Variants in CPNE4 observed in about 807,000 individuals in gnomAD.
CPNE4 encodes copine-4.
A neutral mutation model predicts 67.9 loss-of-function variants in CPNE4; 25 were observed. That is an observed-to-expected ratio of 0.37 (90% CI 0.27 to 0.51). The LOEUF (loss-of-function observed/expected upper bound fraction) is 0.51, where lower values mean the gene tolerates loss of function less well. CPNE4 is among the 20% of genes least tolerant of loss of function. The pLI is 0.93. For missense variants in CPNE4, 464 were observed against 690.8 expected (o/e 0.67, Z 3.68); for synonymous variants, 242 against 244.9 (o/e 0.99, Z 0.11).
chr3:131,968,632 A>G (rs1456192042), intron 1 of CPNE4, among the ~76,000 whole-genome samples: 1 of 152,264 alleles, frequency 6.6e-6, no homozygotes, highest in Non-Finnish European at 1.5e-5. Flanking sequence ...CATTAGAGCA[A>G]TGCAAATCAA....
intron 1 of CPNE4, among the ~76,000 whole-genome samples, chr3:131,962,869 T>C (rs1284083821): frequency 6.6e-6 from 1 of 152,188 alleles, no homozygotes; most frequent in African/African-American, 2.4e-5. Flanking sequence ...AATAAATATT[T>C]ATACCTGAAC....
chr3:131,816,973 T>C (rs1176555950), intron 2 of CPNE4, among the ~76,000 whole-genome samples: 2 of 152,358 alleles, frequency 1.3e-5, no homozygotes, highest in African/African-American at 2.4e-5. Flanking sequence ...TATACTTGTA[T>C]AGCTACCATC....
intron 2 of CPNE4, among the ~76,000 whole-genome samples, chr3:131,856,331 C>T (rs778984063): frequency 6.6e-6 from 1 of 151,820 alleles, no homozygotes; most frequent in Non-Finnish European, 1.5e-5. Flanking sequence ...TTCCTCCTGC[C>T]TCAGCCTCCC....
At chr3:131,998,013 C>T (rs562137372) in intron 1 of CPNE4, among the ~76,000 whole-genome samples, 1 of 152,278 alleles carries the variant, frequency 6.6e-6, no homozygotes, top group South Asian at 2.1e-4. Context: ...CCTCCCAACA[C>T]TGTTGCATTG....
At chr3:131,669,460 A>G (rs1392235741) in intron 7 of CPNE4, among the ~76,000 whole-genome samples, 1 of 152,206 alleles carries the variant, frequency 6.6e-6, no homozygotes, top group Non-Finnish European at 1.5e-5. Flanking sequence ...GCCTCTTGAT[A>G]TAACATAATT....
intron 2 of CPNE4, among the ~76,000 whole-genome samples, chr3:131,851,972 G>A (rs2086258418): frequency 6.6e-6 from 1 of 151,978 alleles, no homozygotes; most frequent in South Asian, 2.1e-4. Flanking sequence ...GGGTGAAAAT[G>A]GAGCCACATT....
intron 2 of CPNE4, among the ~76,000 whole-genome samples, chr3:131,832,219 A>G (rs1410480291): frequency 6.6e-6 from 1 of 152,232 alleles, no homozygotes; most frequent in African/African-American, 2.4e-5. Flanking sequence ...CAAAACTCAT[A>G]TGTTGAAATC....
chr3:131,540,797 C>T (rs1028185687), intron 15 of CPNE4, among the ~76,000 whole-genome samples: 1 of 152,174 alleles, frequency 6.6e-6, no homozygotes, highest in African/African-American at 2.4e-5. Context: ...GATTTGAGCC[C>T]TATGCAGGGA....
chr3:131,646,850 ACAGTTAGGTAC>A (rs2079681229), intron 7 of CPNE4, among the ~76,000 whole-genome samples: 1 of 152,236 alleles, frequency 6.6e-6, no homozygotes, highest in African/African-American at 2.4e-5. Flanking sequence ...TCCAGTGAGT[ACAGTTAGGTAC>A]CATCTCTGGG....
Position 131,774,925 on chromosome 3 carries a change from T to C in CPNE4, c.181-51300A>G, listed in dbSNP as rs985897969. On this transcript the variant is annotated intron_variant, in intron 2 of 15. Transcript: ENST00000429747. ...GCAGTTTCTTTTACTTGTGAGGGCC[T>C]CTCTTAAAATCTTGGCCTAACATTT... Among the ~76,000 whole-genome samples, 45 of 152,266 alleles carry C rather than the reference T, an allele frequency of 3.0e-4. 1 individual carries two copies. The highest frequency in any genetic ancestry group is 1.1e-3 in the African/African-American group (44 of 41,576).
chr3:131,877,802 C>G (rs762439077), intron 2 of CPNE4, among the ~76,000 whole-genome samples: 1 of 152,130 alleles, frequency 6.6e-6, no homozygotes, highest in Non-Finnish European at 1.5e-5. Context: ...GGACATGCAA[C>G]TGGTCTTTAA....
chr3:131,789,970 T>C (rs2083674313), intron 2 of CPNE4, among the ~76,000 whole-genome samples: 1 of 152,136 alleles, frequency 6.6e-6, no homozygotes, highest in African/African-American at 2.4e-5. Flanking sequence ...GTTTTCTTCC[T>C]CTAATTCCAT....
At chr3:131,850,345 G>A (rs1037947096) in intron 2 of CPNE4, among the ~76,000 whole-genome samples, 1 of 152,064 alleles carries the variant, frequency 6.6e-6, no homozygotes. Context: ...TCCTCGGAGT[G>A]TATAAGAAAG....
chr3:131,829,510 C>T (rs567460044), intron 2 of CPNE4, among the ~76,000 whole-genome samples: 80 of 152,224 alleles, frequency 5.3e-4, no homozygotes, highest in African/African-American at 1.8e-3. Flanking sequence ...GGCACATGGC[C>T]GAAGGTTAGT....
chr3:131,828,396 C>T (rs917162210), intron 2 of CPNE4, among the ~76,000 whole-genome samples: 2 of 151,994 alleles, frequency 1.3e-5, no homozygotes, highest in East Asian at 1.9e-4. Flanking sequence ...CAGTATGTAC[C>T]TTTTAATATT....
intron 7 of CPNE4, among the ~76,000 whole-genome samples, chr3:131,658,380 TG>T (rs11337187): frequency 0.33 from 50,110 of 152,028 alleles, 8,622 homozygotes; most frequent in African/African-American, 0.4. Context: ...CTAAATTGCA[TG>T]GGGGTGGATG....
intron 2 of CPNE4, among the ~76,000 whole-genome samples, chr3:131,852,692 A>C (rs1240604995): frequency 1.3e-5 from 2 of 151,870 alleles, no homozygotes; most frequent in African/African-American, 4.8e-5. Flanking sequence ...AAATTAGATC[A>C]GGAGTGATGT....
chr3:131,572,877 G>T (rs1417659899), intron 10 of CPNE4, among the ~76,000 whole-genome samples: 2 of 151,866 alleles, frequency 1.3e-5, no homozygotes, highest in African/African-American at 2.4e-5. Context: ...TCATCTCTCT[G>T]CCACTTCCTT....
At position 131,606,730 on chromosome 3, in the gene CPNE4, G is replaced by C. The variant is rs575426838; in HGVS notation, c.682-19148C>G. Among the ~76,000 whole-genome samples the C allele has an allele frequency of 2.6e-5, 4 of 152,168 alleles. No homozygotes were observed. In the South Asian group the frequency reaches 8.3e-4, roughly 32 times the overall value. On this transcript the variant is annotated intron_variant, in intron 7 of 15. Coordinates refer to ENST00000429747, the MANE Select transcript of CPNE4 (RefSeq NM_130808.3). ...TATCTGACCTGGGTCTGGATCCTGG[G>C]TTCTCCTCACTGCAGAATTGGCTGC...
Sources: allele counts gnomAD v4.1 joint callset (sites outside exome capture counted in the v4.1 genomes callset), GRCh38; gene constraint gnomAD v4.1.1; transcripts MANE v1.5; gene names NCBI Gene and HGNC (gene_info 2026-07-23, HGNC 2026-07-21).